The following TCF4 variants were observed in gnomAD, a reference collection of about 807,000 sequenced individuals.
The protein encoded by TCF4 is SL3-3 enhancer factor 2.
Under a neutral mutation model 82.1 loss-of-function variants are expected in TCF4, and 3 were observed. That is an observed-to-expected ratio of 0.04 (90% CI 0.02 to 0.09). TCF4 has a LOEUF of 0.09. TCF4 is among the 10% of genes least tolerant of loss of function. TCF4 has a pLI of 1.00. For missense variants in TCF4, 518 were observed against 852.7 expected (o/e 0.61, Z 4.89); for synonymous variants, 276 against 309.6 (o/e 0.89, Z 1.14).
At chr18:55,630,494 T>C (rs2097730510) in intron 2 of TCF4, among the ~76,000 whole-genome samples, 1 of 152,222 alleles carries the variant, frequency 6.6e-6, no homozygotes, top group East Asian at 1.9e-4. Context: ...ATATGTCAGA[T>C]GAATTACAAG....
At chr18:55,534,722 CTG>C (rs2097100429) in intron 3 of TCF4, among the ~76,000 whole-genome samples, 1 of 152,238 alleles carries the variant, frequency 6.6e-6, no homozygotes, top group Non-Finnish European at 1.5e-5. Context: ...CTTTTCAAGA[CTG>C]TGAAATCTAC....
At chr18:55,399,880 T>TCACACACACACACA (rs398041380) in intron 6 of TCF4, among the ~76,000 whole-genome samples, 2 of 63,436 alleles carry the variant, frequency 3.2e-5, no homozygotes, top group African/African-American at 1.4e-4. Flanking sequence ...TCTCTCTCTC[T>TCACACACACACACA]CACACACACA....
intron 8 of TCF4, among the ~76,000 whole-genome samples, chr18:55,309,271 C>T (rs2071430049): frequency 7.0e-6 from 1 of 143,584 alleles, no homozygotes; most frequent in Admixed American, 7.1e-5. Flanking sequence ...GCTACCATGC[C>T]TGGCTAATTT....
chr18:55,240,048 T>C (rs1306736602), intron 15 of TCF4, among the ~76,000 whole-genome samples: 1 of 152,206 alleles, frequency 6.6e-6, no homozygotes, highest in African/African-American at 2.4e-5. Flanking sequence ...ATAATCCTTC[T>C]AAAAGAGTAT....
intron 8 of TCF4, among the ~76,000 whole-genome samples, chr18:55,319,503 G>A (rs2074975243): frequency 6.6e-6 from 1 of 152,144 alleles, no homozygotes; most frequent in Non-Finnish European, 1.5e-5. Flanking sequence ...TTCTGCTGGT[G>A]TTCCAAATGG....
chr18:55,390,428 T>C (rs1032295854), intron 6 of TCF4, among the ~76,000 whole-genome samples: 1 of 152,064 alleles, frequency 6.6e-6, no homozygotes, highest in South Asian at 2.1e-4. Context: ...GTGAGTTTCC[T>C]AATAAATATC....
chr18:55,421,709 T>A (rs945626879), intron 5 of TCF4, among the ~76,000 whole-genome samples: 5 of 152,346 alleles, frequency 3.3e-5, no homozygotes, highest in African/African-American at 1.2e-4. Flanking sequence ...AATCATCATT[T>A]TTTAACCTAA....
At chr18:55,432,836 A>T (rs2095241629) in intron 5 of TCF4, among the ~76,000 whole-genome samples, 1 of 152,196 alleles carries the variant, frequency 6.6e-6, no homozygotes, top group African/African-American at 2.4e-5. Context: ...GGCAAATACA[A>T]GTCCTCACCA....
intron 6 of TCF4, among the ~76,000 whole-genome samples, chr18:55,373,281 G>A (rs994593536): frequency 6.6e-6 from 1 of 151,832 alleles, no homozygotes; most frequent in African/African-American, 2.4e-5. Flanking sequence ...AGGCAAAAAT[G>A]TAAAAAAAGA....
chr18:55,376,434 G>A (rs2145734924), intron 6 of TCF4, among the ~76,000 whole-genome samples: 1 of 152,306 alleles, frequency 6.6e-6, no homozygotes, highest in South Asian at 2.1e-4. Flanking sequence ...CCACTGGGGA[G>A]TGCCTGAAAC....
chr18:55,451,288 G>C (rs1290033456), intron 5 of TCF4, among the ~76,000 whole-genome samples: 3 of 152,182 alleles, frequency 2.0e-5, no homozygotes, highest in African/African-American at 7.2e-5. Flanking sequence ...ACACAGCAGA[G>C]CACAGTGATT....
At chr18:55,519,672 C>T (rs1009494112) in intron 3 of TCF4, among the ~76,000 whole-genome samples, 2 of 152,164 alleles carry the variant, frequency 1.3e-5, no homozygotes, top group Admixed American at 6.6e-5. Context: ...GCACACAACT[C>T]ACTTACATGC....
Position 55,229,001 on chromosome 18 carries a change from G to A in TCF4, c.1725C>T (p.Ala575=), listed in dbSNP as rs2144407282. The change falls in exon 18 of 20, where the codon GCC becomes GCT. Residue 575 remains alanine, a synonymous_variant. Transcript: ENST00000354452. ...REKERRMANN[A]RERLRVRDIN... Reference sequence around the variant, plus strand: ...TGTCACGGACCCGCAGACGCTCTCGGGCATTGTTGGCCATCCTCCGCTCCT... The same window carrying A: ...TGTCACGGACCCGCAGACGCTCTCGAGCATTGTTGGCCATCCTCCGCTCCT... 3 of 1,614,120 alleles carry A rather than the reference G, an allele frequency of 1.9e-6. No individual in the cohort carries two copies. The highest frequency in any genetic ancestry group is 2.5e-6 in the Non-Finnish European group (3 of 1,180,010).
chr18:55,472,232 G>A (rs1002929481), intron 3 of TCF4, among the ~76,000 whole-genome samples: 1 of 152,174 alleles, frequency 6.6e-6, no homozygotes, highest in African/African-American at 2.4e-5. Flanking sequence ...AATGAAGTGG[G>A]TAACTGTTAT....
At chr18:55,325,562 G>A (rs118120897) in intron 8 of TCF4, among the ~76,000 whole-genome samples, 91 of 152,266 alleles carry the variant, frequency 6.0e-4, no homozygotes, top group Non-Finnish European at 9.1e-4. Context: ...AATAGAAGCT[G>A]AATAAATGAA....
intron 8 of TCF4, among the ~76,000 whole-genome samples, chr18:55,335,670 A>G (rs1241151426): frequency 6.6e-6 from 1 of 152,184 alleles, no homozygotes; most frequent in Non-Finnish European, 1.5e-5. Flanking sequence ...TACAGACATT[A>G]TAATTACTCT....
At chr18:55,455,183 A>AAC (rs2095715101) in intron 5 of TCF4, among the ~76,000 whole-genome samples, 3 of 86,174 alleles carry the variant, frequency 3.5e-5, no homozygotes, top group Non-Finnish European at 7.8e-5. Context: ...CTGTCTCAAA[A>AAC]AAAAAAAAAA....
At chr18:55,380,980 A>C (rs1346570250) in intron 6 of TCF4, among the ~76,000 whole-genome samples, 2 of 152,208 alleles carry the variant, frequency 1.3e-5, no homozygotes, top group Non-Finnish European at 2.9e-5. Context: ...CAATTTTAAA[A>C]TTAAGTTAGC....
chr18:55,412,251 C>A (rs1025578678), intron 5 of TCF4, among the ~76,000 whole-genome samples: 1 of 152,032 alleles, frequency 6.6e-6, no homozygotes, highest in African/African-American at 2.4e-5. Flanking sequence ...TGTTGATCCC[C>A]AAGGTCATTT....
Sources: gnomAD v4.1 joint callset for allele counts (sites outside exome capture counted in the v4.1 genomes callset) on GRCh38, gnomAD v4.1.1 for gene constraint, MANE v1.5 for transcripts, NCBI Gene and HGNC (gene_info 2026-07-23, HGNC 2026-07-21) for gene names.